The following CDYL2 variants were observed in gnomAD, a reference collection of about 807,000 sequenced individuals.
CDYL2 encodes the protein chromodomain Y like 2, also known as chromodomain Y-like protein 2.
Under a neutral mutation model 49.4 loss-of-function variants are expected in CDYL2, and 23 were observed. The observed-to-expected ratio is 0.47, with a 90% confidence interval of 0.34 to 0.66. CDYL2 has a LOEUF of 0.66. Among genes scored for constraint, CDYL2 ranks in the 30% least tolerant of loss-of-function variants. CDYL2 has a pLI of 0.01. For synonymous variants in CDYL2, 360 were observed against 268.8 expected, an observed-to-expected ratio of 1.34 and a Z score of -3.32; for missense variants, 678 against 656.4, an observed-to-expected ratio of 1.03 and a Z score of -0.36.
chr16:80,612,404 T>C lies in CDYL2; in HGVS notation c.1218+222A>G, dbSNP rs1906638832. 6.6e-6 allele frequency among the ~76,000 whole-genome samples: 1 copy of C among 152,044 alleles called. No individual in the cohort carries two copies. The highest frequency in any genetic ancestry group is 1.5e-5 in the Non-Finnish European group (1 of 68,000). ...TCAGGGGGTTGGAGTGAGGAATAAT[T>C]GAGACGCCATGCAGAGTGCATGGTC... On this transcript the variant is annotated intron_variant, in intron 5 of 6. Coordinates refer to ENST00000570137, the MANE Select transcript of CDYL2 (RefSeq NM_152342.4). The surrounding 1 kb of genome is among the most constrained non-coding windows in gnomAD (Gnocchi z 5.0).
At chr16:80,788,533 C>T (rs578168807) in intron 1 of CDYL2, among the ~76,000 whole-genome samples, 1 of 152,290 alleles carries the variant, frequency 6.6e-6, no homozygotes, top group African/African-American at 2.4e-5. Context: ...TTGACCTATA[C>T]CTGGGATTCT....
intron 1 of CDYL2, among the ~76,000 whole-genome samples, chr16:80,696,234 G>A (rs1419488615): frequency 6.6e-6 from 1 of 151,996 alleles, no homozygotes; most frequent in African/African-American, 2.4e-5. Flanking sequence ...AAACCTATGG[G>A]ATATAGAAAA....
At chr16:80,712,096 T>C (rs930301848) in intron 1 of CDYL2, among the ~76,000 whole-genome samples, 1 of 145,892 alleles carries the variant, frequency 6.9e-6, no homozygotes, top group Admixed American at 6.8e-5. Context: ...TGTGTATATA[T>C]ATGTGTATAT....
intron 2 of CDYL2, among the ~76,000 whole-genome samples, chr16:80,637,523 A>G (rs1013405819): frequency 1.3e-5 from 2 of 152,214 alleles, no homozygotes; most frequent in African/African-American, 4.8e-5. Context: ...TGGATTAACG[A>G]AAAAAGAAAA....
Position 80,759,146 on chromosome 16 carries a change from T to C in CDYL2, c.24+45004A>G, listed in dbSNP as rs950277509. Among the ~76,000 whole-genome samples, 21 of 111,926 alleles carry C rather than the reference T, an allele frequency of 1.9e-4. No homozygotes were observed. The South Asian group carries it at 5.3e-3, about 28-fold the overall frequency. The allele number at this position is 111,926 out of a possible 152,430, so 73.4% of individuals were successfully genotyped here. A position where few individuals can be genotyped will look rare whatever the true frequency, so the allele number is the denominator to read the frequency against. ...TATATATATATATATATATGGTTTA[T>C]ATAAATATATGGTTTATATATATAT... On this transcript the variant is annotated intron_variant, in intron 1 of 6. Coordinates refer to ENST00000570137, the MANE Select transcript of CDYL2 (RefSeq NM_152342.4).
rs985172004 is a variant in CDYL2, at chr16:80,601,840, T to C, written c.*2548A>G. The C allele has an allele frequency of 6.6e-5, 10 of 152,218 alleles. No homozygotes were observed. The highest frequency in any genetic ancestry group is 2.4e-4 in the African/African-American group (10 of 41,456). The allele number at this position is 152,218 out of a possible 1,614,324, so 9.4% of individuals were successfully genotyped here. ...TGACTTAACAGCAAGATTTCCACCTTAGAAATGGTTTCACATTCCTACCTT... is the reference window on the plus strand; with the variant it reads ...TGACTTAACAGCAAGATTTCCACCTCAGAAATGGTTTCACATTCCTACCTT... On this transcript the variant is annotated 3_prime_UTR_variant, in exon 7 of 7. Transcript: ENST00000570137.
At chr16:80,728,284 G>C (rs1322434341) in intron 1 of CDYL2, among the ~76,000 whole-genome samples, 2 of 152,028 alleles carry the variant, frequency 1.3e-5, no homozygotes, top group Non-Finnish European at 2.9e-5. Flanking sequence ...CAAAGCTCGA[G>C]AACTACATGA....
intron 1 of CDYL2, among the ~76,000 whole-genome samples, chr16:80,777,524 G>A (rs1907127905): frequency 6.6e-6 from 1 of 152,024 alleles, no homozygotes; most frequent in Non-Finnish European, 1.5e-5. Flanking sequence ...ACAACCTTAG[G>A]AAAGAGATGA....
intron 3 of CDYL2, among the ~76,000 whole-genome samples, chr16:80,629,094 C>T (rs567291174): frequency 1.1e-4 from 17 of 152,222 alleles, no homozygotes; most frequent in African/African-American, 2.2e-4. Context: ...CACGATGAGG[C>T]GGGACTGCAC....
intron 1 of CDYL2, among the ~76,000 whole-genome samples, chr16:80,715,730 C>T (rs1020435626): frequency 4.6e-4 from 70 of 152,184 alleles, no homozygotes; most frequent in African/African-American, 1.4e-3. Flanking sequence ...ATAAGCCCTG[C>T]ACAGTTTGGT....
At chr16:80,685,963 G>A (rs1910173372) in intron 1 of CDYL2, among the ~76,000 whole-genome samples, 1 of 152,216 alleles carries the variant, frequency 6.6e-6, no homozygotes, top group Non-Finnish European at 1.5e-5. Context: ...GGCACAGCTA[G>A]GAGGCAAAGA....
At chr16:80,750,455 G>A (rs1906092738) in intron 1 of CDYL2, among the ~76,000 whole-genome samples, 1 of 146,344 alleles carries the variant, frequency 6.8e-6, no homozygotes, top group Non-Finnish European at 1.5e-5. Context: ...CCCAGAGAGA[G>A]AAATAAAAAA....
chr16:80,654,145 G>A (rs1432357690), intron 2 of CDYL2, among the ~76,000 whole-genome samples: 2 of 152,206 alleles, frequency 1.3e-5, no homozygotes, highest in South Asian at 4.1e-4. Context: ...GCAAGGAGAC[G>A]CAGACAGGCA....
intron 1 of CDYL2, among the ~76,000 whole-genome samples, chr16:80,793,491 C>T (rs929198602): frequency 6.6e-6 from 1 of 152,172 alleles, no homozygotes; most frequent in Non-Finnish European, 1.5e-5. Context: ...AGGAAGCACT[C>T]AATGAAGTTC....
chr16:80,644,044 C>T (rs1343034288), intron 2 of CDYL2, among the ~76,000 whole-genome samples: 1 of 152,164 alleles, frequency 6.6e-6, no homozygotes, highest in Non-Finnish European at 1.5e-5. Flanking sequence ...GCTCTGTTTC[C>T]CTTTTAAAAC....
Position 80,603,385 on chromosome 16 carries a change from A to G in CDYL2, c.*1003T>C, listed in dbSNP as rs1399313204. The G allele has an allele frequency of 1.3e-5, 2 of 152,236 alleles. No homozygotes were observed. The highest frequency in any genetic ancestry group is 4.8e-5 in the African/African-American group (2 of 41,464). The allele number at this position is 152,236 out of a possible 1,614,324, so 9.4% of individuals were successfully genotyped here. ...AAGAGGGCCCTTTAACTCCTTAAAG[A>G]CAGCAGAGGGAAGAAAAAACTCTCC... On this transcript the variant is annotated 3_prime_UTR_variant, in exon 7 of 7. Coordinates refer to ENST00000570137, the MANE Select transcript of CDYL2 (RefSeq NM_152342.4).
chr16:80,731,663 T>C (rs1048959110), intron 1 of CDYL2, among the ~76,000 whole-genome samples: 3 of 152,086 alleles, frequency 2.0e-5, no homozygotes, highest in Non-Finnish European at 4.4e-5. Context: ...AACAGCAACA[T>C]TGAACACTGG....
intron 2 of CDYL2, among the ~76,000 whole-genome samples, chr16:80,646,490 A>G (rs1177047679): frequency 6.6e-6 from 1 of 151,862 alleles, no homozygotes; most frequent in Non-Finnish European, 1.5e-5. Context: ...AGAGTGGCTG[A>G]ATTAAAAAAC....
At chr16:80,783,233 C>A (rs968125975) in intron 1 of CDYL2, among the ~76,000 whole-genome samples, 1 of 152,094 alleles carries the variant, frequency 6.6e-6, no homozygotes, top group Non-Finnish European at 1.5e-5. Flanking sequence ...CTCCAAAGAA[C>A]ACATACAGAT....
Sources: allele counts gnomAD v4.1 joint callset (sites outside exome capture counted in the v4.1 genomes callset), GRCh38; gene constraint gnomAD v4.1.1; non-coding constraint Gnocchi (gnomAD v3.1); transcripts MANE v1.5; gene names NCBI Gene and HGNC (gene_info 2026-07-23, HGNC 2026-07-21).